Variants in AFF2 observed in about 807,000 individuals in gnomAD.
The protein encoded by AFF2 is AF4/FMR2 family member 2.
A neutral mutation model predicts 76.9 loss-of-function variants in AFF2; 14 were observed. The observed-to-expected ratio is 0.18, with a 90% confidence interval of 0.12 to 0.28. The LOEUF (loss-of-function observed/expected upper bound fraction) is 0.28, where lower values mean the gene tolerates loss of function less well. Ranked by LOEUF, AFF2 falls within the 10% of genes least tolerant of loss-of-function variation. The probability of loss-of-function intolerance (pLI) is 1.00; values close to 1 mark genes in which losing one functional copy is unlikely to be tolerated. For synonymous variants in AFF2, 398 were observed against 366.7 expected, an observed-to-expected ratio of 1.09 and a Z score of -0.98; for missense variants, 868 against 1,001.1, an observed-to-expected ratio of 0.87 and a Z score of 1.79.
In AFF2 at chrX:148,828,787, A is replaced by G. The variant is rs141617003; in HGVS notation, c.1087-8860A>G. Among the ~76,000 whole-genome samples the G allele has an allele frequency of 3.6e-5, 4 of 112,217 alleles. No individual in the cohort carries two copies. In the Admixed American group the frequency reaches 3.8e-4, roughly 11 times the overall value. ...AAAGTTGCATGAATAGGCCCTGCAC[A>G]TGGTCATATATGTTCCTGTTGTATT... On this transcript the variant is annotated intron_variant, in intron 4 of 20. Transcript: ENST00000370460.
At chrX:148,616,596 T>C (rs1318216077) in intron 1 of AFF2, among the ~76,000 whole-genome samples, 1 of 111,011 alleles carries the variant, frequency 9.0e-6, no homozygotes, top group African/African-American at 3.3e-5. Flanking sequence ...TATTATACTT[T>C]AAGTTTTAGG....
At chrX:148,580,223 A>G (rs782345082) in intron 1 of AFF2, among the ~76,000 whole-genome samples, 2 of 110,959 alleles carry the variant, frequency 1.8e-5, no homozygotes, top group Non-Finnish European at 3.8e-5. Flanking sequence ...AGTGCCTCCT[A>G]TTTGCCAGAT....
intron 8 of AFF2, 38 bp from the exon 9 acceptor site, chrX:148,904,183 C>G (rs1557281194): frequency 1.1e-6 from 1 of 900,305 alleles, no homozygotes; most frequent in South Asian, 2.1e-5. Context: ...ATTATGCCTG[C>G]TAATATTGTC....
chrX:148,581,637 T>A (rs2053411809), intron 1 of AFF2, among the ~76,000 whole-genome samples: 1 of 107,031 alleles, frequency 9.3e-6, no homozygotes, highest in Non-Finnish European at 1.9e-5. Context: ...CGTATACGTG[T>A]ACACACATAT....
chrX:148,958,347 T>C lies in AFF2; in HGVS notation c.2579T>C (p.Val860Ala). The C allele has an allele frequency of 8.3e-7, 1 of 1,211,453 alleles. No homozygotes were observed. The highest frequency in any genetic ancestry group is 1.1e-6 in the Non-Finnish European group (1 of 895,312). The change falls in exon 12 of 21, where the codon GTT (valine) becomes GCT (alanine). Residue 860 changes from valine (V) to alanine (A), a missense_variant. Physicochemically the swap from Val to Ala is moderately conservative, Grantham distance 64. Coordinates refer to ENST00000370460, the MANE Select transcript of AFF2 (RefSeq NM_002025.4). ...KGKRKHKPIE[V>A]AEKIPEKKQR... is the part of the protein sequence containing the mutation. ...TTTTCCCTGTTAAAGCCAATAGAAG[T>C]TGCAGAGAAGATCCCTGAGAAGAAG... is the stretch of plus-strand genomic sequence containing the variant.
At chrX:148,552,207 G>T (rs1569551147) in intron 1 of AFF2, among the ~76,000 whole-genome samples, 1 of 111,722 alleles carries the variant, frequency 9.0e-6, no homozygotes, top group South Asian at 3.7e-4. Flanking sequence ...TGTGACTTGA[G>T]TCCTTGTGGC....
At chrX:148,964,413 A>T (rs1653609340) in intron 13 of AFF2, among the ~76,000 whole-genome samples, 1 of 111,973 alleles carries the variant, frequency 8.9e-6, no homozygotes, top group South Asian at 3.8e-4. Context: ...GTAGGGTTTA[A>T]AAATGAAGGG....
At chrX:148,734,467 G>A (rs2055262745) in intron 3 of AFF2, among the ~76,000 whole-genome samples, 1 of 111,189 alleles carries the variant, frequency 9.0e-6, no homozygotes, top group African/African-American at 3.3e-5. Context: ...AGTAAAGCAT[G>A]GAGCCAGGAT....
At chrX:148,697,442 T>C (rs1323011282) in intron 3 of AFF2, among the ~76,000 whole-genome samples, 2 of 111,912 alleles carry the variant, frequency 1.8e-5, no homozygotes, top group South Asian at 3.7e-4. Flanking sequence ...ATAATCAGTA[T>C]TGAGCGTTAT....
At chrX:148,895,640 G>C (rs2071275963) in intron 8 of AFF2, among the ~76,000 whole-genome samples, 1 of 109,089 alleles carries the variant, frequency 9.2e-6, no homozygotes, top group African/African-American at 3.4e-5. Flanking sequence ...GAGATACAGA[G>C]ATACCGAAAC....
chrX:148,754,431 C>G (rs1405836109), intron 3 of AFF2, among the ~76,000 whole-genome samples: 1 of 109,147 alleles, frequency 9.2e-6, no homozygotes, highest in African/African-American at 3.3e-5. Context: ...CTGTTTTCTT[C>G]CCGTCAATAC....
In AFF2 at chrX:148,542,799, GT is replaced by G. The variant is rs782198667; in HGVS notation, c.47+41657del. On this transcript the variant is annotated intron_variant, in intron 1 of 20. Coordinates refer to ENST00000370460, the MANE Select transcript of AFF2 (RefSeq NM_002025.4). The stretch of plus-strand genomic sequence containing the variant: ...AGCGAGGAGAAACTCGGTATGTATT[GT>G]TAAACAGAATGGATTAAAAGGAAGG... Among the ~76,000 whole-genome samples, 9 of 112,369 alleles carry G rather than the reference GT, an allele frequency of 8.0e-5. No individual in the cohort carries two copies. In the South Asian group the frequency reaches 3.3e-3, roughly 42 times the overall value.
At chrX:148,610,573 T>C (rs192274729) in intron 1 of AFF2, among the ~76,000 whole-genome samples, 90 of 111,924 alleles carry the variant, frequency 8.0e-4, no homozygotes, top group African/African-American at 2.8e-3. Flanking sequence ...GTAAAAGTTG[T>C]GTAGCTGCAT....
At chrX:148,748,256 GC>G (rs2055449615) in intron 3 of AFF2, among the ~76,000 whole-genome samples, 1 of 112,092 alleles carries the variant, frequency 8.9e-6, no homozygotes, top group Non-Finnish European at 1.9e-5. Flanking sequence ...GTGTTTGTCA[GC>G]CTGTCAGAAA....
At position 148,579,615 on chromosome X, in the gene AFF2, A is replaced by G. The variant is rs782034960; in HGVS notation, c.48-72384A>G. Among the ~76,000 whole-genome samples the G allele has an allele frequency of 2.9e-3, 327 of 111,967 alleles. 2 individuals are homozygous for G. Among genetic ancestry groups the G allele is most frequent in the Admixed American group, 4.4e-3 (46 of 10,536 alleles). On this transcript the variant is annotated intron_variant, in intron 1 of 20. Transcript: ENST00000370460. ...TGCTGTTTCATGTTTGTTTTATTAA[A>G]TATAGTAGTATCGAAAGAATATTTT...
chrX:148,505,128 A>T (rs1360456005), intron 1 of AFF2, among the ~76,000 whole-genome samples: 1 of 111,953 alleles, frequency 8.9e-6, no homozygotes, highest in East Asian at 2.8e-4. Context: ...TTGCTAGTAC[A>T]GTATGCATTC....
chrX:148,693,579 G>C (rs1557260970), intron 3 of AFF2, among the ~76,000 whole-genome samples: 1 of 112,199 alleles, frequency 8.9e-6, no homozygotes, highest in Non-Finnish European at 1.9e-5. Context: ...TCTCTCCAGA[G>C]TGGTCTGATA....
intron 1 of AFF2, among the ~76,000 whole-genome samples, chrX:148,568,696 C>G (rs931038192): frequency 1.8e-5 from 2 of 111,610 alleles, no homozygotes; most frequent in Non-Finnish European, 3.8e-5. Context: ...TTAGTGGTGG[C>G]CCAAAACATG....
chrX:148,778,972 G>T (rs1349842559), intron 3 of AFF2, among the ~76,000 whole-genome samples: 12 of 110,763 alleles, frequency 1.1e-4, no homozygotes, highest in African/African-American at 3.6e-4. Flanking sequence ...TTTCTCCTGT[G>T]GGCATTTAGT....
Sources: allele counts gnomAD v4.1 joint callset (sites outside exome capture counted in the v4.1 genomes callset), GRCh38; gene constraint gnomAD v4.1.1; transcripts MANE v1.5; gene names NCBI Gene and HGNC (gene_info 2026-07-23, HGNC 2026-07-21).